Variants in SPOCK3 observed in about 807,000 individuals in gnomAD.
SPOCK3 encodes testican-3.
In SPOCK3, 30 loss-of-function variants were observed where a neutral mutation model predicts 56.6. The ratio of observed to expected loss-of-function variants is 0.53; its 90% CI spans 0.40 to 0.72. The LOEUF (loss-of-function observed/expected upper bound fraction) is 0.72, where lower values mean the gene tolerates loss of function less well. Among genes scored for constraint, SPOCK3 ranks in the 30% least tolerant of loss-of-function variants. The probability of loss-of-function intolerance (pLI) is 0.00; values close to 1 mark genes in which losing one functional copy is unlikely to be tolerated. For missense variants in SPOCK3, 527 were observed against 530.0 expected (o/e 0.99, Z 0.06); for synonymous variants, 196 against 183.3 (o/e 1.07, Z -0.56).
chr4:166,938,524 T>A (rs940069536), intron 4 of SPOCK3, among the ~76,000 whole-genome samples: 1 of 152,104 alleles, frequency 6.6e-6, no homozygotes, highest in East Asian at 1.9e-4. Flanking sequence ...GAAAAGCACA[T>A]AAGTACAAAG....
In SPOCK3 at chr4:166,955,654, A is replaced by G. The variant is rs962745056; in HGVS notation, c.351-42911T>C. ...TAATTATATTAAATTTAATTATAAT[A>G]TAAATTATAATATATAGAGAAATAT... On this transcript the variant is annotated intron_variant, in intron 4 of 10. Transcript: ENST00000357545. 4.1e-5 allele frequency among the ~76,000 whole-genome samples: 6 copies of G among 146,792 alleles called. No individual in the cohort carries two copies. In the Admixed American group the frequency reaches 4.1e-4, roughly 10 times the overall value.
At chr4:167,221,333 ACTGAAGC>A (rs1215385931) in intron 2 of SPOCK3, among the ~76,000 whole-genome samples, 3 of 152,188 alleles carry the variant, frequency 2.0e-5, no homozygotes, top group Admixed American at 6.6e-5. Flanking sequence ...ACACCACTGC[ACTGAAGC>A]CTGGGCAACA....
intron 2 of SPOCK3, among the ~76,000 whole-genome samples, chr4:167,216,678 G>C (rs971505846): frequency 1.3e-5 from 2 of 152,064 alleles, no homozygotes; most frequent in South Asian, 2.1e-4. Flanking sequence ...GTGTTCTGTA[G>C]AAATGATGGC....
At chr4:167,065,283 A>G (rs1220399163) in intron 2 of SPOCK3, among the ~76,000 whole-genome samples, 1 of 151,764 alleles carries the variant, frequency 6.6e-6, no homozygotes, top group Non-Finnish European at 1.5e-5. Flanking sequence ...CATTGTTAGC[A>G]CTGAAGTCAG....
intron 2 of SPOCK3, among the ~76,000 whole-genome samples, chr4:167,165,926 C>A (rs541246165): frequency 2.0e-5 from 3 of 151,924 alleles, no homozygotes; most frequent in African/African-American, 4.8e-5. Context: ...TTAAGAAAAT[C>A]TTTATTCTTA....
chr4:167,213,765 A>AT (rs576851587), intron 2 of SPOCK3, among the ~76,000 whole-genome samples: 1,629 of 152,218 alleles, frequency 0.011, 26 homozygotes, highest in African/African-American at 0.031. Flanking sequence ...GAAATCCTAA[A>AT]AGATGACATA....
chr4:166,835,774 C>T (rs1025259722), intron 6 of SPOCK3, among the ~76,000 whole-genome samples: 6 of 152,068 alleles, frequency 3.9e-5, no homozygotes, highest in Admixed American at 6.6e-5. Flanking sequence ...CCGAGGTGGG[C>T]GGATCACCTG....
At chr4:167,183,610 T>A (rs953557816) in intron 2 of SPOCK3, among the ~76,000 whole-genome samples, 6 of 152,210 alleles carry the variant, frequency 3.9e-5, no homozygotes, top group Non-Finnish European at 7.3e-5. Flanking sequence ...CCTTGTGATA[T>A]TCATTGATGT....
chr4:166,868,346 G>A (rs1732085268), intron 6 of SPOCK3, among the ~76,000 whole-genome samples: 1 of 151,652 alleles, frequency 6.6e-6, no homozygotes, highest in African/African-American at 2.4e-5. Context: ...TGCAACTGTA[G>A]CTAATCAGGA....
chr4:167,194,994 T>A (rs577320375), intron 2 of SPOCK3, among the ~76,000 whole-genome samples: 2 of 152,288 alleles, frequency 1.3e-5, no homozygotes, highest in South Asian at 4.1e-4. Flanking sequence ...CAGGCCTGCT[T>A]CAGGGTCCAG....
intron 4 of SPOCK3, among the ~76,000 whole-genome samples, chr4:166,978,029 T>C (rs1206681774): frequency 1.3e-5 from 2 of 152,116 alleles, no homozygotes; most frequent in Non-Finnish European, 2.9e-5. Context: ...AAAGAGTGAG[T>C]CTTCTATTAC....
chr4:166,927,980 G>A (rs1023286842), intron 4 of SPOCK3, among the ~76,000 whole-genome samples: 1 of 152,134 alleles, frequency 6.6e-6, no homozygotes, highest in African/African-American at 2.4e-5. Context: ...ATTGAAAGTT[G>A]ATCTACAGCA....
At chr4:166,878,400 C>T (rs1366548018) in intron 6 of SPOCK3, among the ~76,000 whole-genome samples, 1 of 151,798 alleles carries the variant, frequency 6.6e-6, no homozygotes, top group Non-Finnish European at 1.5e-5. Flanking sequence ...ATTTGGCTCC[C>T]AAATATATAC....
chr4:167,155,839 A>G (rs1374864482), intron 2 of SPOCK3, among the ~76,000 whole-genome samples: 1 of 152,120 alleles, frequency 6.6e-6, no homozygotes, highest in Non-Finnish European at 1.5e-5. Flanking sequence ...GTCAAAGGGG[A>G]GGGAGAGCAT....
intron 4 of SPOCK3, among the ~76,000 whole-genome samples, chr4:166,979,774 T>C (rs1366468842): frequency 6.6e-6 from 1 of 152,218 alleles, no homozygotes; most frequent in African/African-American, 2.4e-5. Context: ...TTCTCATCAA[T>C]TTCCATGAGT....
intron 6 of SPOCK3, among the ~76,000 whole-genome samples, chr4:166,865,169 A>G (rs1326914011): frequency 1.3e-5 from 2 of 152,168 alleles, no homozygotes; most frequent in East Asian, 3.9e-4. Flanking sequence ...AAACAGAACC[A>G]ATGACAAAAA....
At chr4:166,927,976 A>G (rs891288558) in intron 4 of SPOCK3, among the ~76,000 whole-genome samples, 7 of 152,220 alleles carry the variant, frequency 4.6e-5, no homozygotes, top group Admixed American at 3.3e-4. Flanking sequence ...GCACATTGAA[A>G]GTTGATCTAC....
intron 2 of SPOCK3, among the ~76,000 whole-genome samples, chr4:167,146,436 G>C (rs1487241746): frequency 7.2e-5 from 11 of 152,016 alleles, no homozygotes; most frequent in African/African-American, 2.7e-4. Context: ...TCCAGGAGTT[G>C]AACTCAGCTT....
At chr4:167,227,509 T>C (rs970788830) in intron 2 of SPOCK3, among the ~76,000 whole-genome samples, 3 of 152,048 alleles carry the variant, frequency 2.0e-5, no homozygotes, top group Admixed American at 6.6e-5. Flanking sequence ...GTGGTAATGC[T>C]AGGTGAGTTG....
Sources: gnomAD v4.1 joint callset for allele counts (sites outside exome capture counted in the v4.1 genomes callset) on GRCh38, gnomAD v4.1.1 for gene constraint, MANE v1.5 for transcripts, NCBI Gene and HGNC (gene_info 2026-07-23, HGNC 2026-07-21) for gene names.